Variants in PCDHA8 observed in about 807,000 individuals in gnomAD.
PCDHA8 encodes protocadherin alpha 8.
PCDHA8 carries 53 observed loss-of-function variants against 61.8 expected under a neutral mutation model. That is an observed-to-expected ratio of 0.86 (90% CI 0.69 to 1.08). The LOEUF (loss-of-function observed/expected upper bound fraction) is 1.08. Among genes scored for constraint, PCDHA8 ranks in the 50% least tolerant of loss-of-function variants. PCDHA8 has a pLI of 0.00. For missense variants in PCDHA8, 1,293 were observed against 1,245.0 expected (o/e 1.04, Z -0.58); for synonymous variants, 618 against 556.6 (o/e 1.11, Z -1.55).
At chr5:140,848,532 C>G (rs2150412105) in intron 1 of PCDHA8, 1 of 1,594,974 alleles carries the variant, frequency 6.3e-7, no homozygotes, top group Non-Finnish European at 8.6e-7. Context: ...AGAGGGTCAG[C>G]CTCTACTGCT....
intron 1 of PCDHA8, among the ~76,000 whole-genome samples, chr5:140,913,152 T>G (rs2076232515): frequency 6.6e-6 from 1 of 152,178 alleles, no homozygotes; most frequent in Admixed American, 6.5e-5. Context: ...ATAGTTTGAG[T>G]AGGATTGGTA....
chr5:140,921,233 T>C lies in PCDHA8; in HGVS notation c.2395-57716T>C, dbSNP rs1431130539. 2.6e-5 allele frequency among the ~76,000 whole-genome samples: 4 copies of C among 152,162 alleles called. No individual in the cohort carries two copies. The East Asian group carries it at 5.8e-4, about 22-fold the overall frequency. ...TTCACGTCTTTTTTGCTAGATGATATTAAGCCACAGATCAAAAAGTCCTAG... is the reference window on the plus strand; with the variant it reads ...TTCACGTCTTTTTTGCTAGATGATACTAAGCCACAGATCAAAAAGTCCTAG... On this transcript the variant is annotated intron_variant, in intron 1 of 3. Coordinates refer to ENST00000531613, the MANE Select transcript of PCDHA8 (RefSeq NM_018911.3).
At chr5:140,849,484 T>A (rs2040926970) in intron 1 of PCDHA8, 1 of 1,590,814 alleles carries the variant, frequency 6.3e-7, no homozygotes, top group Non-Finnish European at 8.6e-7. Flanking sequence ...TTCCCACCCC[T>A]GGCTGGTCAT....
At chr5:140,943,237 C>T (rs1364015851) in intron 1 of PCDHA8, among the ~76,000 whole-genome samples, 1 of 121,190 alleles carries the variant, frequency 8.3e-6, no homozygotes, top group African/African-American at 3.3e-5. Flanking sequence ...CAGCCTGGGT[C>T]ACAGAGTGAG....
intron 1 of PCDHA8, among the ~76,000 whole-genome samples, chr5:140,978,524 C>G (rs1554239389): frequency 2.0e-5 from 3 of 152,208 alleles, no homozygotes; most frequent in Admixed American, 6.5e-5. Context: ...TCCAGCCAGG[C>G]CAGCAGAACT....
intron 1 of PCDHA8, among the ~76,000 whole-genome samples, chr5:140,923,413 G>T (rs2081347795): frequency 6.6e-6 from 1 of 152,062 alleles, no homozygotes; most frequent in Non-Finnish European, 1.5e-5. Context: ...CTATAATCCT[G>T]GCTACTTGGG....
intron 1 of PCDHA8, among the ~76,000 whole-genome samples, chr5:140,940,004 A>AT (rs1326829458): frequency 2.6e-5 from 4 of 152,120 alleles, no homozygotes; most frequent in Admixed American, 1.3e-4. Context: ...GATTTTGTCA[A>AT]TTTTTTGTGT....
At chr5:140,879,347 T>C (rs530902728) in intron 1 of PCDHA8, among the ~76,000 whole-genome samples, 44 of 152,324 alleles carry the variant, frequency 2.9e-4, no homozygotes, top group African/African-American at 1.0e-3. Context: ...GCTGAGAAGA[T>C]GACATTGCCA....
intron 2 of PCDHA8, among the ~76,000 whole-genome samples, chr5:140,979,710 A>C (rs1178718053): frequency 1.3e-5 from 2 of 152,268 alleles, no homozygotes; most frequent in African/African-American, 4.8e-5. Flanking sequence ...GAGGTGATCC[A>C]GTATCCATGC....
At chr5:140,969,919 T>C (rs773906362) in intron 1 of PCDHA8, among the ~76,000 whole-genome samples, 1 of 152,198 alleles carries the variant, frequency 6.6e-6, no homozygotes, top group South Asian at 2.1e-4. Flanking sequence ...GATAAAGCTG[T>C]AGTATTTAGA....
At chr5:140,860,288 G>A (rs1305065556) in intron 1 of PCDHA8, 2 of 151,928 alleles carry the variant, frequency 1.3e-5, no homozygotes, top group African/African-American at 4.8e-5. Context: ...GGGTGAGGTG[G>A]GAGGACGGCT....
At chr5:140,985,459 C>A (rs1587084925) in intron 3 of PCDHA8, among the ~76,000 whole-genome samples, 1 of 152,236 alleles carries the variant, frequency 6.6e-6, no homozygotes, top group East Asian at 1.9e-4. Flanking sequence ...GGGAAATGCT[C>A]CAAAAAATTT....
chr5:141,001,278 C>T (rs182360019), intron 3 of PCDHA8, among the ~76,000 whole-genome samples: 500 of 152,168 alleles, frequency 3.3e-3, no homozygotes, highest in Admixed American at 5.6e-3. Context: ...ACTTTTTTTA[C>T]GGATGAAAAC....
At chr5:140,843,901 A>C in intron 1 of PCDHA8, 186 bp downstream of exon 1, 3 of 653,454 alleles carry the variant, frequency 4.6e-6, no homozygotes, top group South Asian at 2.2e-5. Context: ...ATCATTCTCC[A>C]CAAGTTGGGT....
Position 140,853,518 on chromosome 5 carries a change from C to A in PCDHA8, c.2394+9803C>A. On this transcript the variant is annotated intron_variant, in intron 1 of 3. Coordinates refer to ENST00000531613, the MANE Select transcript of PCDHA8 (RefSeq NM_018911.3). ...AGAATCATGAAACAATAATGAAGCT[C>A]CTCCTATGTCTCTTTTCAAGTTGTA... 2.0e-6 allele frequency: 2 copies of A among 976,172 alleles called. 1 individual carries two copies. 60.5% of individuals were successfully genotyped at this position (976,172 alleles called of 1,614,324 possible).
At chr5:140,869,044 C>T (rs2050811433) in intron 1 of PCDHA8, 1 of 1,530,006 alleles carries the variant, frequency 6.5e-7, no homozygotes, top group Non-Finnish European at 8.8e-7. Flanking sequence ...TAACCTGAAA[C>T]TGAAGAATCT....
intron 1 of PCDHA8, chr5:140,876,669 C>T: frequency 6.2e-7 from 1 of 1,614,186 alleles, no homozygotes; most frequent in Non-Finnish European, 8.5e-7. Context: ...AGCTGGTGTC[C>T]ACCTACAAGA....
chr5:140,977,850 T>C (rs1416064195), intron 1 of PCDHA8, among the ~76,000 whole-genome samples: 5 of 152,236 alleles, frequency 3.3e-5, no homozygotes, highest in African/African-American at 1.2e-4. Flanking sequence ...TATGGCTTTG[T>C]TTCTACCAAA....
At chr5:140,870,930 A>C (rs373236202) in intron 1 of PCDHA8, 10 of 1,613,732 alleles carry the variant, frequency 6.2e-6, no homozygotes, top group Non-Finnish European at 8.5e-6. Flanking sequence ...TTTCATATGA[A>C]TTGCAGCCGG....
Sources: gnomAD v4.1 joint callset for allele counts (sites outside exome capture counted in the v4.1 genomes callset) on GRCh38, gnomAD v4.1.1 for gene constraint, MANE v1.5 for transcripts, NCBI Gene and HGNC (gene_info 2026-07-23, HGNC 2026-07-21) for gene names.